Variants in CDK12 observed in about 807,000 individuals in gnomAD.
CDK12 encodes the protein cyclin-dependent kinase 12.
In CDK12, 17 loss-of-function variants were observed where a neutral mutation model predicts 133.8. The ratio of observed to expected loss-of-function variants is 0.13; its 90% CI spans 0.09 to 0.19. CDK12 has a LOEUF of 0.19. CDK12 is among the 10% of genes least tolerant of loss of function. The pLI is 1.00. For missense variants in CDK12, 1,508 were observed against 1,818.7 expected (o/e 0.83, Z 3.11); for synonymous variants, 694 against 683.6 (o/e 1.02, Z -0.24).
At chr17:39,547,062 G>T (rs1243084637), upstream of CDK12, among the ~76,000 whole-genome samples, 4 of 152,060 alleles carry the variant, frequency 2.6e-5, no homozygotes, top group Non-Finnish European at 5.9e-5. Flanking sequence ...TTCTTCTGGG[G>T]GCTAGAAATC....
chr17:39,555,293 A>ATCTTCAGT (rs1179987900), intron 2 of CDK12, among the ~76,000 whole-genome samples: 1 of 152,166 alleles, frequency 6.6e-6, no homozygotes, highest in Non-Finnish European at 1.5e-5. Context: ...TAAACATCCC[A>ATCTTCAGT]TCTTCAGTGA....
chr17:39,561,027 C>T (rs4357971), intron 3 of CDK12, among the ~76,000 whole-genome samples: 95,743 of 151,856 alleles, frequency 0.63, 32,890 homozygotes, highest in South Asian at 0.89. Flanking sequence ...AAAAAACAAA[C>T]AAAAAGCAGC....
chr17:39,525,765 C>A, intron 12 of CDK12, 99 bp from the exon 13 acceptor site: 1 of 833,348 alleles, frequency 1.2e-6, no homozygotes, highest in Non-Finnish European at 1.9e-6. Flanking sequence ...AATGAAATTT[C>A]ATTTTTTGGA....
At chr17:39,521,525 G>A (rs1470052836) in intron 11 of CDK12, among the ~76,000 whole-genome samples, 1 of 151,894 alleles carries the variant, frequency 6.6e-6, no homozygotes, top group Non-Finnish European at 1.5e-5. Context: ...GGCCTCCCAA[G>A]GTGCCGGGAT....
intron 2 of CDK12, among the ~76,000 whole-genome samples, chr17:39,553,823 A>G (rs2056049647): frequency 6.6e-6 from 1 of 152,138 alleles, no homozygotes; most frequent in Admixed American, 6.5e-5. Flanking sequence ...CACAAAAACA[A>G]CAGAGGGGAA....
At chr17:39,493,337 C>T (rs373707319) in intron 4 of CDK12, among the ~76,000 whole-genome samples, 81 of 150,530 alleles carry the variant, frequency 5.4e-4, no homozygotes, top group African/African-American at 1.8e-3. Flanking sequence ...CGGGGTCTTG[C>T]GCTGTCATCC....
chr17:39,519,061 C>G (rs1425857170), intron 10 of CDK12, among the ~76,000 whole-genome samples: 1 of 151,130 alleles, frequency 6.6e-6, no homozygotes, highest in African/African-American at 2.4e-5. Context: ...GCCACCACAC[C>G]CAGCTAATTT....
intron 2 of CDK12, among the ~76,000 whole-genome samples, chr17:39,482,598 C>CCTTTTTTTTTT (rs1440834572): frequency 2.4e-4 from 13 of 53,506 alleles, no homozygotes; most frequent in Admixed American, 4.2e-4. Context: ...CAATCAACTA[C>CCTTTTTTTTTT]ATTTTTTTTT....
At chr17:39,536,343 C>CT (rs1478705542), downstream of CDK12, among the ~76,000 whole-genome samples, 1 of 152,162 alleles carries the variant, frequency 6.6e-6, no homozygotes, top group African/African-American at 2.4e-5. Context: ...AGACAAATGT[C>CT]TATCTGGATC....
chr17:39,489,242 T>C (rs1288668521), intron 2 of CDK12, among the ~76,000 whole-genome samples: 1 of 151,342 alleles, frequency 6.6e-6, no homozygotes, highest in African/African-American at 2.4e-5. Context: ...AGCTAAATTT[T>C]GTATTTTAAT....
intron 2 of CDK12, among the ~76,000 whole-genome samples, chr17:39,481,738 T>G (rs75726138): frequency 8.2e-6 from 1 of 121,592 alleles, no homozygotes; most frequent in African/African-American, 2.9e-5. Context: ...CTTTTTTTTT[T>G]TTGACAAAGT....
intron 8 of CDK12, among the ~76,000 whole-genome samples, chr17:39,515,436 CTTTAG>C (rs2053740917): frequency 6.6e-6 from 1 of 152,028 alleles, no homozygotes; most frequent in Admixed American, 6.6e-5. Flanking sequence ...GTAAAATTGT[CTTTAG>C]TTATTTCCTT....
chr17:39,563,254 G>T (rs1167683838), intron 3 of CDK12, among the ~76,000 whole-genome samples: 1 of 152,012 alleles, frequency 6.6e-6, no homozygotes, highest in African/African-American at 2.4e-5. Flanking sequence ...AGGTTGGCTG[G>T]GAGAGTGTGT....
chr17:39,510,943 T>C (rs1314622270), intron 7 of CDK12, among the ~76,000 whole-genome samples: 3 of 123,400 alleles, frequency 2.4e-5, no homozygotes, highest in Non-Finnish European at 3.4e-5. Flanking sequence ...AGGCCAGGCG[T>C]GGTGGCTCAC....
chr17:39,504,279 A>G (rs1213184828), intron 6 of CDK12, among the ~76,000 whole-genome samples: 1 of 152,166 alleles, frequency 6.6e-6, no homozygotes, highest in Non-Finnish European at 1.5e-5. Context: ...GGAATTCCAA[A>G]CTACCAATAC....
At chr17:39,526,364 C>G (rs940990435) in intron 13 of CDK12, 48 bp downstream of exon 13, 5 of 1,394,590 alleles carry the variant, frequency 3.6e-6, no homozygotes, top group Admixed American at 2.5e-5. Flanking sequence ...GCTGTTGATA[C>G]CCTCTTAAAA....
Position 39,494,372 on chromosome 17 carries a change from CTAGA to C in CDK12, c.2249-151_2249-148del, listed in dbSNP as rs976902338. On this transcript the variant is annotated intron_variant, in intron 4 of 13. Coordinates refer to ENST00000447079, the MANE Select transcript of CDK12 (RefSeq NM_016507.4). ...ACAGGTGTGAGCCAGTGCGCCTGGC[CTAGA>C]GTTTACTTTTTAAAGGTGTATAAGT... 52 of 646,232 alleles carry C rather than the reference CTAGA, an allele frequency of 8.0e-5. No individual in the cohort carries two copies. The African/African-American group carries it at 9.5e-4, about 12-fold the overall frequency. 40.0% of individuals were successfully genotyped at this position (646,232 alleles called of 1,614,324 possible).
intron 13 of CDK12, among the ~76,000 whole-genome samples, chr17:39,529,643 G>A (rs1467728130): frequency 6.6e-6 from 1 of 152,076 alleles, no homozygotes; most frequent in Non-Finnish European, 1.5e-5. Flanking sequence ...TGCCTTGGCA[G>A]GAGTTCATTA....
intron 2 of CDK12, among the ~76,000 whole-genome samples, chr17:39,477,949 G>A (rs2050347379): frequency 6.6e-6 from 1 of 151,502 alleles, no homozygotes. Context: ...TTCGGGGTCT[G>A]CCTGCCTCGG....
Sources: gnomAD v4.1 joint callset for allele counts (sites outside exome capture counted in the v4.1 genomes callset) on GRCh38, gnomAD v4.1.1 for gene constraint, MANE v1.5 for transcripts, NCBI Gene and HGNC (gene_info 2026-07-23, HGNC 2026-07-21) for gene names.